MAST3: variants seen among roughly 807,000 people sequenced by gnomAD.
MAST3 encodes microtubule-associated serine/threonine-protein kinase 3.
A neutral mutation model predicts 127.0 loss-of-function variants in MAST3; 43 were observed. That is an observed-to-expected ratio of 0.34 (90% CI 0.27 to 0.44). The LOEUF (loss-of-function observed/expected upper bound fraction) is 0.44. Among genes scored for constraint, MAST3 ranks in the 20% least tolerant of loss-of-function variants. The probability of loss-of-function intolerance (pLI) is 1.00; values close to 1 mark genes in which losing one functional copy is unlikely to be tolerated. For synonymous variants in MAST3, 785 were observed against 809.2 expected (o/e 0.97, Z 0.51); for missense variants, 1,390 against 1,919.1 (o/e 0.72, Z 5.15).
chr19:18,111,463 T>C (rs1397256047), intron 3 of MAST3, among the ~76,000 whole-genome samples: 1 of 151,798 alleles, frequency 6.6e-6, no homozygotes, highest in South Asian at 2.1e-4. Flanking sequence ...TGGTGTCTGT[T>C]AGAGTTATGT....
At chr19:18,104,369 G>A (rs180775335) in intron 1 of MAST3, among the ~76,000 whole-genome samples, 1 of 152,094 alleles carries the variant, frequency 6.6e-6, no homozygotes, top group East Asian at 1.9e-4. Flanking sequence ...TCGAGGGGTA[G>A]ATTATTCTCC....
chr19:18,120,226 CA>C (rs1160435384), intron 3 of MAST3, among the ~76,000 whole-genome samples: 1 of 152,074 alleles, frequency 6.6e-6, no homozygotes, highest in Admixed American at 6.5e-5. Flanking sequence ...CTAGTTGGGT[CA>C]CATTGGCATT....
chr19:18,119,344 C>T (rs2147121269), intron 3 of MAST3, among the ~76,000 whole-genome samples: 1 of 152,216 alleles, frequency 6.6e-6, no homozygotes, highest in Middle Eastern at 3.4e-3. Context: ...GGCGAGGAAC[C>T]AGGTGAGGGG....
intron 11 of MAST3, among the ~76,000 whole-genome samples, chr19:18,126,085 A>G (rs534157188): frequency 6.6e-6 from 1 of 151,758 alleles, no homozygotes; most frequent in Non-Finnish European, 1.5e-5. Context: ...AGCTGGGTGT[A>G]GTAGTGCGCG....
intron 3 of MAST3, among the ~76,000 whole-genome samples, chr19:18,118,531 G>T (rs188510193): frequency 6.6e-6 from 1 of 152,270 alleles, no homozygotes; most frequent in East Asian, 1.9e-4. Flanking sequence ...TTTGAACCCG[G>T]GTGTCCAGGG....
intron 11 of MAST3, among the ~76,000 whole-genome samples, chr19:18,127,929 G>T (rs1413481844): frequency 1.3e-5 from 2 of 152,146 alleles, no homozygotes; most frequent in African/African-American, 2.4e-5. Context: ...GGCAGATAAG[G>T]CTGAGCAGGG....
At position 18,149,455 on chromosome 19, in the gene MAST3, G is replaced by A. The variant is rs1407690921; in HGVS notation, c.3773G>A (p.Arg1258Gln). 2.0e-6 allele frequency: 3 copies of A among 1,534,184 alleles called. No individual in the cohort carries two copies. Among genetic ancestry groups the A allele is most frequent in the Non-Finnish European group, 1.8e-6 (2 of 1,141,790 alleles). ...PAPARSPRLRRGQSADKLGTG... is the reference protein window; with the variant it reads ...PAPARSPRLRQGQSADKLGTG... Reference sequence around the variant, plus strand: ...CCTGCCCGATCCCCGCGGCTGCGCCGGGGCCAGTCAGCTGACAAGCTGGGC... The same window carrying A: ...CCTGCCCGATCCCCGCGGCTGCGCCAGGGCCAGTCAGCTGACAAGCTGGGC... The change falls in exon 28 of 28, where the codon CGG becomes CAG. Residue 1258 changes from arginine (R) to glutamine (Q), a missense_variant. Around this residue, in one of 5 missense-constraint regions of MAST3, gnomAD observed 816 missense variants for 934.1 expected, o/e 0.87. Coordinates refer to ENST00000687212, the MANE Select transcript of MAST3 (RefSeq NM_001393504.1). This position sits in a 1 kb window ranked among gnomAD's most constrained non-coding sequence, Gnocchi z 5.9.
Position 18,115,550 on chromosome 19 carries a change from C to T in MAST3, c.161+4809C>T, listed in dbSNP as rs558406871. Among the ~76,000 whole-genome samples the T allele has an allele frequency of 7.9e-5, 12 of 152,144 alleles. No homozygotes were observed. In the East Asian group the frequency reaches 2.3e-3, roughly 30 times the overall value. ...TGCACCCCGCATGAGGCTTGGGCTG[C>T]ATACCTGGGGGTCATAGGTGACCAC... On this transcript the variant is annotated intron_variant, in intron 3 of 27. Coordinates refer to ENST00000687212, the MANE Select transcript of MAST3 (RefSeq NM_001393504.1).
chr19:18,104,515 A>T (rs1215403521), intron 1 of MAST3, among the ~76,000 whole-genome samples: 1 of 152,078 alleles, frequency 6.6e-6, no homozygotes, highest in Non-Finnish European at 1.5e-5. Context: ...GCAGCCCAGC[A>T]GCTTCCGGCC....
At position 18,112,916 on chromosome 19, in the gene MAST3, C is replaced by A. The variant is rs2038796764; in HGVS notation, c.161+2175C>A. On this transcript the variant is annotated intron_variant, in intron 3 of 27. Transcript: ENST00000687212. This position sits in a 1 kb window ranked among gnomAD's most constrained non-coding sequence, Gnocchi z 4.1. Reference sequence around the variant, plus strand: ...TCCACTGAGAATCAGAGACTGCCATCACCCCCATTTAGTGAAGAAAACAGG... The same window carrying A: ...TCCACTGAGAATCAGAGACTGCCATAACCCCCATTTAGTGAAGAAAACAGG... 1.3e-5 allele frequency among the ~76,000 whole-genome samples: 2 copies of A among 152,108 alleles called. No homozygotes were observed. The highest frequency in any genetic ancestry group is 2.4e-5 in the African/African-American group (1 of 41,410).
intron 15 of MAST3, 54 bp downstream of exon 15, chr19:18,132,101 CA>C (rs1599810897): frequency 2.6e-5 from 42 of 1,600,570 alleles, no homozygotes; most frequent in African/African-American, 4.0e-5. Flanking sequence ...CAGAGAGGAT[CA>C]GGGGCGGGGC....
In MAST3 at chr19:18,123,890, C is replaced by T. The variant is rs942613816; in HGVS notation, c.634-49C>T. ...CTCTCCTGCCCCATTCTGCGTGTGT[C>T]ACTCCAGCCCCGCCCTCTGACCAGG... On this transcript the variant is annotated intron_variant, in intron 8 of 27. Transcript: ENST00000687212. The T allele has an allele frequency of 3.3e-6, 5 of 1,497,368 alleles. No homozygotes were observed. In the African/African-American group the frequency reaches 6.9e-5, roughly 21 times the overall value. The allele number at this position is 1,497,368 out of a possible 1,614,324, so 92.8% of individuals were successfully genotyped here.
rs548072615 is a variant in MAST3 at position 18,109,919 on chromosome 19, G to A, written c.72-733G>A. The stretch of plus-strand genomic sequence containing the variant: ...CCGGGGCGAGGGCAGAGGCCGGGCC[G>A]GGGCGGGGAGAGGCGGGGTCAGGCC... On this transcript the variant is annotated intron_variant, in intron 2 of 27. Transcript: ENST00000687212. 2,549 of 983,836 alleles carry A rather than the reference G, an allele frequency of 2.6e-3. 5 individuals are homozygous for A. Among genetic ancestry groups the A allele is most frequent in the Non-Finnish European group, 2.9e-3 (2,433 of 828,484 alleles). The allele number at this position is 983,836 out of a possible 1,614,324, so 60.9% of individuals were successfully genotyped here.
At chr19:18,146,397 A>G (rs1276008292) in intron 25 of MAST3, among the ~76,000 whole-genome samples, 1 of 152,194 alleles carries the variant, frequency 6.6e-6, no homozygotes, top group Non-Finnish European at 1.5e-5. Flanking sequence ...GTGAGCTGTG[A>G]TCGTGCCATA....
Position 18,134,978 on chromosome 19 carries a change from C to T in MAST3, c.1866C>T (p.Val622=). 6.2e-7 allele frequency: 1 copy of T among 1,606,182 alleles called. No homozygotes were observed. The highest frequency in any genetic ancestry group is 8.5e-7 in the Non-Finnish European group (1 of 1,174,698). Residue 622 remains valine (V), a synonymous_variant, in exon 17 of 28, where the codon GTC becomes GTT. Transcript: ENST00000687212. ...CCGAGGAACTCTTCGGTCAGGTGGT[C>T]AGCGGTGCGTTTCCTCCACGGGCCT... ...DTPEELFGQV[V]SDEIMWPEGD...
intron 3 of MAST3, among the ~76,000 whole-genome samples, chr19:18,114,391 G>C (rs956004804): frequency 2.0e-5 from 3 of 152,050 alleles, no homozygotes; most frequent in African/African-American, 7.2e-5. Context: ...GTTTCACCAT[G>C]TTGGCCAGGC....
intron 1 of MAST3, among the ~76,000 whole-genome samples, chr19:18,098,271 C>T (rs191066877): frequency 6.6e-6 from 1 of 152,272 alleles, no homozygotes; most frequent in African/African-American, 2.4e-5. Flanking sequence ...CCTACGACGA[C>T]CTGGGGAGGT....
Position 18,144,826 on chromosome 19 carries a change from C to G in MAST3, c.2812+133C>G, listed in dbSNP as rs2042867317. On this transcript the variant is annotated intron_variant, in intron 23 of 27. Coordinates refer to ENST00000687212, the MANE Select transcript of MAST3 (RefSeq NM_001393504.1). The surrounding 1 kb of genome is among the most constrained non-coding windows in gnomAD (Gnocchi z 4.0). ...GAGGAGGAGTAGGACACATGGAGAGCTGGGGAGATGGTGTTCCCAGTAGAG... is the reference window on the plus strand; with the variant it reads ...GAGGAGGAGTAGGACACATGGAGAGGTGGGGAGATGGTGTTCCCAGTAGAG... 2 of 1,051,634 alleles carry G rather than the reference C, an allele frequency of 1.9e-6. No individual in the cohort carries two copies. Among genetic ancestry groups the G allele is most frequent in the African/African-American group, 3.1e-5 (2 of 64,066 alleles). The allele number at this position is 1,051,634 out of a possible 1,614,324, so 65.1% of individuals were successfully genotyped here.
rs1238878105 is a variant in MAST3, at chr19:18,144,534, A to T, written c.2653A>T (p.Arg885Trp). The T allele has an allele frequency of 6.2e-7, 1 of 1,610,790 alleles. No individual in the cohort carries two copies. Among genetic ancestry groups the T allele is most frequent in the East Asian group, 2.2e-5 (1 of 44,868 alleles). ...CATCGGCGCCCGACACTCCACACCA[A>T]GGCCTCTGGATGCCGGCCGGGGCCG... ...NSIGARHSTP[R>W]PLDAGRGRRL... The change falls in exon 23 of 28, where the codon AGG (arginine) becomes TGG (tryptophan). Residue 885 changes from arginine to tryptophan, a missense_variant. This residue lies in a region of MAST3 where 816 missense variants were observed against 934.1 expected (regional missense o/e 0.87). Coordinates refer to ENST00000687212, the MANE Select transcript of MAST3 (RefSeq NM_001393504.1). This position sits in a 1 kb window ranked among gnomAD's most constrained non-coding sequence, Gnocchi z 4.0.
Sources: allele counts gnomAD v4.1 joint callset (sites outside exome capture counted in the v4.1 genomes callset), GRCh38; gene constraint gnomAD v4.1.1; regional missense constraint gnomAD v4.1.1; non-coding constraint Gnocchi (gnomAD v3.1); transcripts MANE v1.5; gene names NCBI Gene and HGNC (gene_info 2026-07-23, HGNC 2026-07-21).